Variants in KIDINS220 observed in about 807,000 individuals in gnomAD.
KIDINS220 encodes the protein kinase D-interacting substrate of 220 kDa.
KIDINS220 carries 63 observed loss-of-function variants against 157.6 expected under a neutral mutation model. That is an observed-to-expected ratio of 0.40 (90% CI 0.33 to 0.49). The LOEUF (loss-of-function observed/expected upper bound fraction) is 0.49. KIDINS220 is among the 20% of genes least tolerant of loss of function. The probability of loss-of-function intolerance (pLI) is 0.66; values close to 1 mark genes in which losing one functional copy is unlikely to be tolerated. For synonymous variants in KIDINS220, 732 were observed against 783.6 expected (o/e 0.93, Z 1.10); for missense variants, 1,772 against 2,171.2 (o/e 0.82, Z 3.65).
chr2:8,779,069 G>C lies in KIDINS220; in HGVS notation c.2441C>G (p.Ala814Gly), dbSNP rs1191097514. Residue 814 changes from alanine to glycine, a missense_variant, in exon 19 of 30, where the codon GCA becomes GGA. Transcript: ENST00000256707. ...CACACTATTGAGGTTCTGGTTAATT[G>C]CCTTTATGATAATATGTGGATCACT... The part of the protein sequence containing the change: ...FASDPHIIIK[A>G]INQNLNSVLR... 1 of 1,614,016 alleles carries C rather than the reference G, an allele frequency of 6.2e-7. No homozygotes were observed. Among genetic ancestry groups the C allele is most frequent in the South Asian group, 1.1e-5 (1 of 91,084 alleles).
intron 22 of KIDINS220, among the ~76,000 whole-genome samples, chr2:8,769,273 T>C (rs1669869008): frequency 6.6e-6 from 1 of 152,110 alleles, no homozygotes; most frequent in African/African-American, 2.4e-5. Flanking sequence ...GATAACTAGT[T>C]CTCCTGTGCC....
At chr2:8,727,285 A>T (rs1663416839), downstream of KIDINS220, 1 of 1,053,530 alleles carries the variant, frequency 9.5e-7, no homozygotes, top group Non-Finnish European at 1.2e-6. Context: ...AGAAGGTGGG[A>T]ATAAAGGAGG....
At chr2:8,786,105 C>A in intron 16 of KIDINS220, 75 bp from the exon 17 acceptor site, 1 of 1,556,228 alleles carries the variant, frequency 6.4e-7, no homozygotes, top group South Asian at 1.2e-5. Flanking sequence ...GTCACAATAC[C>A]TGATGAGTCT....
intron 4 of KIDINS220, among the ~76,000 whole-genome samples, chr2:8,814,831 C>A (rs1370455378): frequency 1.3e-5 from 2 of 152,150 alleles, no homozygotes; most frequent in South Asian, 2.1e-4. Flanking sequence ...AATCACGTTC[C>A]CCCTAGGGGG....
At position 8,737,250 on chromosome 2, in the gene KIDINS220, G is replaced by T. The variant is rs1665007496; in HGVS notation, c.3586-251C>A. 1.3e-5 allele frequency: 4 copies of T among 318,766 alleles called. No individual in the cohort carries two copies. The South Asian group carries it at 2.7e-4, about 22-fold the overall frequency. 19.7% of individuals were successfully genotyped at this position (318,766 alleles called of 1,614,324 possible). The stretch of plus-strand genomic sequence containing the variant: ...TTTCTAAGAAAACAGAACATTTCAT[G>T]AACAAAGCCTAGGTCAACTTCTCAA... On this transcript the variant is annotated intron_variant, in intron 26 of 29. Transcript: ENST00000256707.
chr2:8,823,241 C>T (rs1037731227), intron 2 of KIDINS220, among the ~76,000 whole-genome samples: 2 of 152,054 alleles, frequency 1.3e-5, no homozygotes, highest in Admixed American at 1.3e-4. Flanking sequence ...GTGTGAGCCA[C>T]CACATACAGC....
At chr2:8,791,018 C>T (rs762568093) in intron 13 of KIDINS220, 42 bp downstream of exon 13, 94 of 1,543,512 alleles carry the variant, frequency 6.1e-5, no homozygotes, top group Non-Finnish European at 7.9e-5. Flanking sequence ...CAGAGAAAAC[C>T]TTGCTTTATA....
At chr2:8,787,578 G>A (rs1672603190) in intron 15 of KIDINS220, among the ~76,000 whole-genome samples, 1 of 151,634 alleles carries the variant, frequency 6.6e-6, no homozygotes, top group African/African-American at 2.4e-5. Flanking sequence ...CTTTACCCAG[G>A]CTTGTTTTGA....
At chr2:8,796,372 C>T (rs971274639) in intron 11 of KIDINS220, among the ~76,000 whole-genome samples, 2 of 152,104 alleles carry the variant, frequency 1.3e-5, no homozygotes, top group African/African-American at 4.8e-5. Flanking sequence ...CAAGGACACG[C>T]GGCAGAACAA....
chr2:8,796,866 C>T lies in KIDINS220; in HGVS notation c.1003G>A (p.Gly335Ser). 6.2e-7 allele frequency: 1 copy of T among 1,612,970 alleles called. No individual in the cohort carries two copies. Among genetic ancestry groups the T allele is most frequent in the Non-Finnish European group, 8.5e-7 (1 of 1,178,922 alleles). Reference sequence around the variant, plus strand: ...GTAGCCTTTATAAGTGGCGTTTCACCATCCTGTGGGCACAAATAAGAACAT... The same window carrying T: ...GTAGCCTTTATAAGTGGCGTTTCACTATCCTGTGGGCACAAATAAGAACAT... ...NPDTEICTKD[G>S]ETPLIKATKM... The change falls in exon 11 of 30, where the codon GGT becomes AGT. Residue 335 changes from glycine to serine, a missense_variant. This residue lies in a region of KIDINS220 where 725 missense variants were observed against 1,017.1 expected (regional missense o/e 0.71). Coordinates refer to ENST00000256707, the MANE Select transcript of KIDINS220 (RefSeq NM_020738.4).
intron 1 of KIDINS220, among the ~76,000 whole-genome samples, chr2:8,833,851 A>G (rs16866811): frequency 0.03 from 4,604 of 152,306 alleles, 252 homozygotes; most frequent in African/African-American, 0.11. Flanking sequence ...GAACTTGCCA[A>G]TTTAATAGGC....
Position 8,817,672 on chromosome 2 carries a change from C to T in KIDINS220, c.252G>A (p.Val84=). The part of the protein sequence containing the change: ...ALISASKEGH[V]HIVEELLKCG... Reference sequence around the variant, plus strand: ...ATTTCAGTAGTTCCTCTACGATGTGCACATGCCCTTCTTTCGATGCAGATA... The same window carrying T: ...ATTTCAGTAGTTCCTCTACGATGTGTACATGCCCTTCTTTCGATGCAGATA... Residue 84 remains valine (V), a synonymous_variant, in exon 4 of 30, where the codon GTG becomes GTA. Coordinates refer to ENST00000256707, the MANE Select transcript of KIDINS220 (RefSeq NM_020738.4). The T allele has an allele frequency of 1.2e-6, 2 of 1,607,902 alleles. No individual in the cohort carries two copies. The highest frequency in any genetic ancestry group is 2.2e-5 in the South Asian group (2 of 89,976).
At chr2:8,817,016 C>T (rs1205666180) in intron 4 of KIDINS220, among the ~76,000 whole-genome samples, 1 of 152,166 alleles carries the variant, frequency 6.6e-6, no homozygotes, top group Non-Finnish European at 1.5e-5. Flanking sequence ...CACAGCAGAT[C>T]GTTTTCTTCC....
intron 22 of KIDINS220, among the ~76,000 whole-genome samples, chr2:8,756,877 C>T: frequency 6.6e-6 from 1 of 152,186 alleles, no homozygotes; most frequent in South Asian, 2.1e-4. Flanking sequence ...AGCAGGCATC[C>T]TTGTCTTGTT....
chr2:8,722,599 T>A (rs546822159), downstream of KIDINS220: 1 of 152,132 alleles, frequency 6.6e-6, no homozygotes, highest in South Asian at 2.1e-4. Context: ...CAGATAGCAA[T>A]TGAGTGTTTA....
chr2:8,813,793 G>A (rs1027043299), intron 4 of KIDINS220, among the ~76,000 whole-genome samples: 1 of 152,058 alleles, frequency 6.6e-6, no homozygotes, highest in Admixed American at 6.6e-5. Context: ...GCATGGTGGC[G>A]TGTGCCTGTA....
In KIDINS220 at chr2:8,729,585, G is replaced by A. The variant is rs1572392979; in HGVS notation, c.*1135C>T. On this transcript the variant is annotated 3_prime_UTR_variant, in exon 30 of 30. Transcript: ENST00000256707. ...CTTTTACAGTCACAGCACTTATATAGATATATATATATATTTTACCCTTGC... is the reference window on the plus strand; with the variant it reads ...CTTTTACAGTCACAGCACTTATATAAATATATATATATATTTTACCCTTGC... 1.1e-6 allele frequency: 1 copy of A among 946,798 alleles called. No individual in the cohort carries two copies. Among genetic ancestry groups the A allele is most frequent in the East Asian group, 1.2e-4 (1 of 8,654 alleles). 58.6% of individuals were successfully genotyped at this position (946,798 alleles called of 1,614,324 possible).
intron 14 of KIDINS220, among the ~76,000 whole-genome samples, chr2:8,789,579 C>A (rs997914966): frequency 1.3e-5 from 2 of 151,970 alleles, no homozygotes; most frequent in Non-Finnish European, 2.9e-5. Flanking sequence ...TGAGAGCCAC[C>A]GCACCCGGCC....
intron 26 of KIDINS220, among the ~76,000 whole-genome samples, chr2:8,742,576 CTT>C (rs1386255579): frequency 1.3e-5 from 2 of 152,206 alleles, no homozygotes; most frequent in Non-Finnish European, 2.9e-5. Flanking sequence ...TATGATTAAA[CTT>C]TGTGCTAATT....
Sources: allele counts gnomAD v4.1 joint callset (sites outside exome capture counted in the v4.1 genomes callset), GRCh38; gene constraint gnomAD v4.1.1; regional missense constraint gnomAD v4.1.1; transcripts MANE v1.5; gene names NCBI Gene and HGNC (gene_info 2026-07-23, HGNC 2026-07-21).